Variants in CDH4 observed in about 807,000 individuals in gnomAD.
CDH4 encodes the protein cadherin-4.
CDH4 carries 33 observed loss-of-function variants against 86.0 expected under a neutral mutation model. That is an observed-to-expected ratio of 0.38 (90% confidence interval 0.29 to 0.51). The LOEUF (loss-of-function observed/expected upper bound fraction) is 0.51. Ranked by LOEUF, CDH4 falls within the 20% of genes least tolerant of loss-of-function variation. The pLI, the probability that CDH4 is intolerant of heterozygous loss-of-function variation, is 0.86. For missense variants in CDH4, 1,114 were observed against 1,307.4 expected (o/e 0.85, Z 2.28); for synonymous variants, 555 against 549.4 (o/e 1.01, Z -0.14).
At chr20:61,528,463 G>GGAGGGGAAGGGAGGGGAGGGGGGC (rs2085928354) in intron 2 of CDH4, among the ~76,000 whole-genome samples, 1 of 96,866 alleles carries the variant, frequency 1.0e-5, no homozygotes. Context: ...GAGGGGGAGA[G>GGAGGGGAAGGGAGGGGAGGGGGGC]GGAGGGGGAG....
At chr20:61,726,128 C>CG (rs370034832) in intron 2 of CDH4, among the ~76,000 whole-genome samples, 6 of 151,958 alleles carry the variant, frequency 3.9e-5, no homozygotes, top group Non-Finnish European at 5.9e-5. Flanking sequence ...GGGATAGTCT[C>CG]GGGGGGGACT....
intron 2 of CDH4, among the ~76,000 whole-genome samples, chr20:61,495,259 T>C (rs568328939): frequency 1.8e-4 from 28 of 152,312 alleles, no homozygotes; most frequent in Non-Finnish European, 3.1e-4. Flanking sequence ...AGGAGAAACA[T>C]GTCCCAGGCC....
At chr20:61,327,158 T>A (rs1343387143) in intron 2 of CDH4, among the ~76,000 whole-genome samples, 2 of 152,194 alleles carry the variant, frequency 1.3e-5, no homozygotes, top group Non-Finnish European at 2.9e-5. Flanking sequence ...ATCTCATCTT[T>A]TATCTAAAAA....
chr20:61,293,912 T>C (rs531113392), intron 2 of CDH4, among the ~76,000 whole-genome samples: 1 of 152,134 alleles, frequency 6.6e-6, no homozygotes, highest in East Asian at 1.9e-4. Context: ...CGGGTCCACT[T>C]TGTGGTCTGG....
intron 2 of CDH4, among the ~76,000 whole-genome samples, chr20:61,588,686 G>T (rs183080978): frequency 5.9e-5 from 9 of 152,110 alleles, no homozygotes; most frequent in African/African-American, 1.9e-4. Flanking sequence ...TGTCTCCAGT[G>T]CGTTTATCTT....
At chr20:61,439,779 C>T (rs372446096) in intron 2 of CDH4, among the ~76,000 whole-genome samples, 33 of 152,340 alleles carry the variant, frequency 2.2e-4, no homozygotes, top group East Asian at 1.7e-3. Flanking sequence ...GGGTAGGATT[C>T]GAGGCGCCTC....
chr20:61,928,933 G>T (rs1417451775), intron 12 of CDH4, among the ~76,000 whole-genome samples: 2 of 152,132 alleles, frequency 1.3e-5, no homozygotes, highest in African/African-American at 4.8e-5. Flanking sequence ...GCCACCTTTA[G>T]GCCAAAGTCA....
intron 2 of CDH4, among the ~76,000 whole-genome samples, chr20:61,559,264 G>A (rs2086198267): frequency 6.6e-6 from 1 of 152,122 alleles, no homozygotes; most frequent in South Asian, 2.1e-4. Flanking sequence ...GTTGCAGTAA[G>A]CCAAGATTGT....
chr20:61,766,224 C>G (rs1377705643), intron 3 of CDH4, among the ~76,000 whole-genome samples: 1 of 151,924 alleles, frequency 6.6e-6, no homozygotes, highest in Non-Finnish European at 1.5e-5. Flanking sequence ...TTGGCCCCAG[C>G]TCTCCCTAGC....
chr20:61,574,920 A>C (rs895397118), intron 2 of CDH4, among the ~76,000 whole-genome samples: 1 of 152,224 alleles, frequency 6.6e-6, no homozygotes. Context: ...GGATTCTCTC[A>C]GGACAGAGCA....
At chr20:61,281,955 C>G (rs2084261239) in intron 2 of CDH4, among the ~76,000 whole-genome samples, 3 of 152,178 alleles carry the variant, frequency 2.0e-5, no homozygotes, top group Non-Finnish European at 4.4e-5. Flanking sequence ...AAGGGAGTGG[C>G]CAGAGAACAG....
At chr20:61,550,149 ATGGCCTCCCTGCCCCAACCTCAC>A (rs2086117746) in intron 2 of CDH4, among the ~76,000 whole-genome samples, 1 of 85,132 alleles carries the variant, frequency 1.2e-5, no homozygotes, top group Admixed American at 1.3e-4. Flanking sequence ...GCCTACCTCC[ATGGCCTCCCTGCCCCAACCTCAC>A]TGGCCTCCCT....
rs532227003 is a variant in CDH4 at position 61,829,909 on chromosome 20, C to G, written c.577-14759C>G. On this transcript the variant is annotated intron_variant, in intron 4 of 15. Coordinates refer to ENST00000614565, the MANE Select transcript of CDH4 (RefSeq NM_001794.5). This position sits in a 1 kb window ranked among gnomAD's most constrained non-coding sequence, Gnocchi z 4.2. ...GGGGTGGGAGGGACGAGGCTCCTGC[C>G]CGGCCGGCCCTGGGGCTGGGAGGCA... Among the ~76,000 whole-genome samples the G allele has an allele frequency of 6.6e-6, 1 of 152,206 alleles. No individual in the cohort carries two copies. The highest frequency in any genetic ancestry group is 2.1e-4 in the South Asian group (1 of 4,826).
intron 2 of CDH4, among the ~76,000 whole-genome samples, chr20:61,441,773 A>G (rs890018121): frequency 6.6e-6 from 1 of 152,218 alleles, no homozygotes; most frequent in Non-Finnish European, 1.5e-5. Context: ...GCTGTGAGCA[A>G]TAAATTTCCA....
chr20:61,895,135 G>T (rs1985045762), intron 8 of CDH4, 88 bp downstream of exon 8: 2 of 1,486,020 alleles, frequency 1.3e-6, no homozygotes, highest in Non-Finnish European at 1.8e-6. Context: ...TCTCTCTGCG[G>T]CTCTGCCTGA....
chr20:61,593,203 TCA>T (rs1290896113), intron 2 of CDH4, among the ~76,000 whole-genome samples: 1 of 152,232 alleles, frequency 6.6e-6, no homozygotes, highest in Non-Finnish European at 1.5e-5. Flanking sequence ...AAAAGTAAAC[TCA>T]CACACGCTCA....
chr20:61,252,916 G>A lies in CDH4; in HGVS notation c.57+346G>A, dbSNP rs1036586202. Among the ~76,000 whole-genome samples the A allele has an allele frequency of 6.6e-6, 1 of 151,916 alleles. No homozygotes were observed. Among genetic ancestry groups the A allele is most frequent in the Admixed American group, 6.5e-5 (1 of 15,270 alleles). On this transcript the variant is annotated intron_variant, in intron 1 of 15. Transcript: ENST00000614565. The surrounding 1 kb of genome is among the most constrained non-coding windows in gnomAD (Gnocchi z 4.4). ...GCCTGCATGGGGCAGGCTTCCACTG[G>A]CGGAGCCGGCGCGCCCTCCATCGCC...
intron 8 of CDH4, among the ~76,000 whole-genome samples, chr20:61,904,503 C>G (rs774611382): frequency 6.6e-6 from 1 of 151,658 alleles, no homozygotes; most frequent in Non-Finnish European, 1.5e-5. Context: ...TTTGTCTGCA[C>G]CGTGTCCCCC....
At chr20:61,448,684 C>T (rs953865686) in intron 2 of CDH4, among the ~76,000 whole-genome samples, 1 of 152,126 alleles carries the variant, frequency 6.6e-6, no homozygotes, top group Non-Finnish European at 1.5e-5. Flanking sequence ...ATAGACCTAG[C>T]CTCCGAAATC....
Sources: gnomAD v4.1 joint callset for allele counts (sites outside exome capture counted in the v4.1 genomes callset) on GRCh38, gnomAD v4.1.1 for gene constraint, Gnocchi (gnomAD v3.1) non-coding constraint, MANE v1.5 for transcripts, NCBI Gene and HGNC (gene_info 2026-07-23, HGNC 2026-07-21) for gene names.